LIN28B: variants seen among roughly 807,000 people sequenced by gnomAD.
LIN28B encodes lin-28 RNA binding posttranscriptional regulator B, also known as protein lin-28 homolog B.
In LIN28B, 5 loss-of-function variants were observed where a neutral mutation model predicts 21.9. The observed-to-expected ratio is 0.23, with a 90% CI of 0.12 to 0.48. LIN28B has a LOEUF of 0.48. LIN28B is among the 20% of genes least tolerant of loss of function. The pLI, the probability that LIN28B is intolerant of heterozygous loss-of-function variation, is 0.98. For missense variants in LIN28B, 245 were observed against 310.5 expected, an observed-to-expected ratio of 0.79 and a Z score of 1.58; for synonymous variants, 109 against 111.3, an observed-to-expected ratio of 0.98 and a Z score of 0.13.
chr6:105,045,762 G>A (rs933006614), intron 3 of LIN28B: 1 of 152,186 alleles, frequency 6.6e-6, no homozygotes, highest in African/African-American at 2.4e-5. Context: ...AAGGAAGTCT[G>A]GTTGTGCTGT....
chr6:105,029,162 G>A (rs931118241), intron 3 of LIN28B, among the ~76,000 whole-genome samples: 2 of 152,182 alleles, frequency 1.3e-5, no homozygotes, highest in Non-Finnish European at 2.9e-5. Flanking sequence ...TACAGAGAAT[G>A]AAAACAGAGG....
chr6:105,024,246 C>T lies in LIN28B; in HGVS notation c.199-2052C>T, dbSNP rs146741051. On this transcript the variant is annotated intron_variant, in intron 2 of 3. Transcript: ENST00000345080. Reference sequence around the variant, plus strand: ...ACCTCAGGTGATCTGCCCGCCTTGGCCTCCCAAAGTGCTGGGATTACAGGT... The same window carrying T: ...ACCTCAGGTGATCTGCCCGCCTTGGTCTCCCAAAGTGCTGGGATTACAGGT... Among the ~76,000 whole-genome samples, 1,001 of 152,226 alleles carry T rather than the reference C, an allele frequency of 6.6e-3. 14 individuals carry two copies. Among genetic ancestry groups the T allele is most frequent in the African/African-American group, 0.023 (944 of 41,528 alleles).
intron 2 of LIN28B, among the ~76,000 whole-genome samples, chr6:104,986,380 T>TG (rs1043526879): frequency 9.9e-5 from 15 of 151,360 alleles, no homozygotes; most frequent in African/African-American, 3.6e-4. Flanking sequence ...TATCTATCCT[T>TG]GCTCTGGCAT....
intron 2 of LIN28B, among the ~76,000 whole-genome samples, chr6:105,024,370 T>C (rs938637549): frequency 6.6e-6 from 1 of 152,170 alleles, no homozygotes; most frequent in East Asian, 1.9e-4. Context: ...TTCTTTGTTC[T>C]CATAATTTCA....
chr6:104,981,580 T>G (rs993417704), intron 2 of LIN28B, among the ~76,000 whole-genome samples: 6 of 152,238 alleles, frequency 3.9e-5, no homozygotes, highest in Admixed American at 3.3e-4. Flanking sequence ...TTGTAATTCA[T>G]ATATCCTCAG....
intron 2 of LIN28B, among the ~76,000 whole-genome samples, chr6:104,968,890 A>G (rs926849630): frequency 2.0e-5 from 3 of 152,188 alleles, no homozygotes; most frequent in Non-Finnish European, 4.4e-5. Flanking sequence ...TAAATATTTA[A>G]TAGATCATTA....
At chr6:105,034,272 C>T (rs954258144) in intron 3 of LIN28B, among the ~76,000 whole-genome samples, 1 of 151,882 alleles carries the variant, frequency 6.6e-6, no homozygotes, top group African/African-American at 2.4e-5. Context: ...AAGTGTCATT[C>T]ATAATAATGC....
At chr6:104,963,139 C>T (rs909488832) in intron 2 of LIN28B, among the ~76,000 whole-genome samples, 4 of 152,130 alleles carry the variant, frequency 2.6e-5, no homozygotes, top group African/African-American at 4.8e-5. Flanking sequence ...CTCCGCCTTC[C>T]GGGTTCACGC....
rs118154256 is a variant in LIN28B at position 105,052,719 on chromosome 6, A to C, written c.384-25695A>C. ...CCTTTATGTCCTCTTAATGACTACA[A>C]GATACATACCAATATTCCCTTTTTT... On this transcript the variant is annotated intron_variant, in intron 3 of 3. Transcript: ENST00000345080. Among the ~76,000 whole-genome samples, 512 of 152,324 alleles carry C rather than the reference A, an allele frequency of 3.4e-3. 3 individuals carry two copies. The highest frequency in any genetic ancestry group is 6.4e-3 in the Non-Finnish European group (433 of 68,028).
intron 2 of LIN28B, among the ~76,000 whole-genome samples, chr6:104,949,785 A>G (rs1313025599): frequency 3.9e-5 from 6 of 152,172 alleles, no homozygotes; most frequent in Admixed American, 3.9e-4. Flanking sequence ...TGCAAGTTTT[A>G]TTGTGTTGTG....
chr6:104,944,411 C>T (rs1413638344), intron 2 of LIN28B, among the ~76,000 whole-genome samples: 1 of 152,050 alleles, frequency 6.6e-6, no homozygotes, highest in Non-Finnish European at 1.5e-5. Context: ...TTGATATTTG[C>T]AATTTTTGAT....
At chr6:105,013,460 A>T (rs921111606) in intron 2 of LIN28B, among the ~76,000 whole-genome samples, 1 of 151,872 alleles carries the variant, frequency 6.6e-6, no homozygotes, top group Non-Finnish European at 1.5e-5. Context: ...CGTTCTGGCC[A>T]AGTGCAGTGG....
intron 3 of LIN28B, among the ~76,000 whole-genome samples, chr6:105,035,145 G>A (rs943767899): frequency 4.6e-5 from 7 of 151,630 alleles, no homozygotes; most frequent in African/African-American, 1.7e-4. Flanking sequence ...AAAAACCCAT[G>A]TTTAGGTTTA....
intron 2 of LIN28B, among the ~76,000 whole-genome samples, chr6:105,013,836 A>T (rs1432163666): frequency 6.6e-6 from 1 of 152,064 alleles, no homozygotes; most frequent in Admixed American, 6.6e-5. Context: ...TACATTGTCA[A>T]TTTTATTGCA....
At chr6:105,004,466 CT>C (rs932307515) in intron 2 of LIN28B, among the ~76,000 whole-genome samples, 17 of 149,850 alleles carry the variant, frequency 1.1e-4, no homozygotes, top group South Asian at 4.2e-4. Flanking sequence ...ACTTCTGTAT[CT>C]TTTTTTTTTC....
intron 2 of LIN28B, among the ~76,000 whole-genome samples, chr6:104,949,259 T>G (rs1297394716): frequency 6.6e-6 from 1 of 152,192 alleles, no homozygotes; most frequent in African/African-American, 2.4e-5. Context: ...ACAGGATCAA[T>G]GTAAAGGAAA....
At chr6:105,076,549 C>T (rs1772427434) in intron 3 of LIN28B, among the ~76,000 whole-genome samples, 1 of 152,072 alleles carries the variant, frequency 6.6e-6, no homozygotes, top group South Asian at 2.1e-4. Flanking sequence ...ACAAATATGT[C>T]ATCATAATTC....
Position 105,048,391 on chromosome 6 carries a change from G to A in LIN28B, c.383+21909G>A, listed in dbSNP as rs144444894. 5.8e-3 allele frequency among the ~76,000 whole-genome samples: 884 copies of A among 152,226 alleles called. 3 individuals carry two copies. The highest frequency in any genetic ancestry group is 9.8e-3 in the Non-Finnish European group (664 of 67,992). On this transcript the variant is annotated intron_variant, in intron 3 of 3. Transcript: ENST00000345080. ...AGCCCATTTGATCATGGTGGATAAG[G>A]TTTTTGATGTGCTGTTGGATTCGGT...
chr6:105,047,152 T>C (rs1771786438), intron 3 of LIN28B, among the ~76,000 whole-genome samples: 1 of 152,208 alleles, frequency 6.6e-6, no homozygotes, highest in African/African-American at 2.4e-5. Context: ...TGGTTTTAGG[T>C]CTAACATTTA....
Sources: gnomAD v4.1 joint callset for allele counts (sites outside exome capture counted in the v4.1 genomes callset) on GRCh38, gnomAD v4.1.1 for gene constraint, MANE v1.5 for transcripts, NCBI Gene and HGNC (gene_info 2026-07-23, HGNC 2026-07-21) for gene names.